Variants in MYO1E observed in about 807,000 individuals in gnomAD.
MYO1E encodes the protein myosin IE, also known as unconventional myosin-Ie.
Under a neutral mutation model 151.1 loss-of-function variants are expected in MYO1E, and 68 were observed. The observed-to-expected ratio is 0.45, with a 90% CI of 0.37 to 0.55. The LOEUF (loss-of-function observed/expected upper bound fraction) is 0.55. MYO1E is among the 20% of genes least tolerant of loss of function. The pLI is 0.00. For missense variants in MYO1E, 1,363 were observed against 1,389.3 expected (o/e 0.98, Z 0.30); for synonymous variants, 601 against 501.7 (o/e 1.20, Z -2.64).
chr15:59,180,971 C>T (rs1555409226), intron 18 of MYO1E, among the ~76,000 whole-genome samples: 1 of 152,164 alleles, frequency 6.6e-6, no homozygotes, highest in Non-Finnish European at 1.5e-5. Flanking sequence ...AATCTGTTCC[C>T]TGCTCTTGTT....
chr15:59,149,324 G>A (rs755236563), intron 26 of MYO1E, among the ~76,000 whole-genome samples: 1 of 152,094 alleles, frequency 6.6e-6, no homozygotes, highest in Non-Finnish European at 1.5e-5. Flanking sequence ...CCAAAGTGCT[G>A]GGATTACAGG....
At chr15:59,269,825 G>A (rs1489202393) in intron 2 of MYO1E, among the ~76,000 whole-genome samples, 1 of 151,916 alleles carries the variant, frequency 6.6e-6, no homozygotes, top group East Asian at 1.9e-4. Context: ...CTGCACTTCA[G>A]CCTGGCGAGA....
At chr15:59,284,373 A>T (rs1346934167) in intron 1 of MYO1E, among the ~76,000 whole-genome samples, 1 of 152,232 alleles carries the variant, frequency 6.6e-6, no homozygotes, top group Non-Finnish European at 1.5e-5. Context: ...CCCTAAACAC[A>T]GTTCTCCTTC....
At chr15:59,317,923 T>C (rs2080599520) in intron 1 of MYO1E, among the ~76,000 whole-genome samples, 1 of 152,166 alleles carries the variant, frequency 6.6e-6, no homozygotes. Flanking sequence ...TCTACAGATG[T>C]GGAAACTGAG....
rs1465572975 is a variant in MYO1E, at chr15:59,208,589, T to G, written c.1530+92A>C. ...AATTCCGTTTGTTGAATCAATAAAA[T>G]ACGGCGAGCCATATGATTTGCTTCA... On this transcript the variant is annotated intron_variant, in intron 14 of 27. Coordinates refer to ENST00000288235, the MANE Select transcript of MYO1E (RefSeq NM_004998.4). The G allele has an allele frequency of 2.0e-6, 3 of 1,469,216 alleles. No homozygotes were observed. The African/African-American group carries it at 4.2e-5, about 20-fold the overall frequency. The allele number at this position is 1,469,216 out of a possible 1,614,324, so 91.0% of individuals were successfully genotyped here. A position where few individuals can be genotyped will look rare whatever the true frequency, so the allele number is the denominator to read the frequency against.
chr15:59,283,799 T>C (rs752965027), intron 1 of MYO1E, among the ~76,000 whole-genome samples: 3 of 152,188 alleles, frequency 2.0e-5, no homozygotes, highest in Admixed American at 6.5e-5. Context: ...CCCTTAAACA[T>C]TGTACCTACT....
chr15:59,265,839 C>T (rs2080250105), intron 2 of MYO1E, among the ~76,000 whole-genome samples: 3 of 148,172 alleles, frequency 2.0e-5, no homozygotes, highest in African/African-American at 7.5e-5. Context: ...TGGTGGTCTT[C>T]ACATGTAGTC....
At chr15:59,343,851 C>T (rs28751096) in intron 1 of MYO1E, among the ~76,000 whole-genome samples, 1,905 of 152,200 alleles carry the variant, frequency 0.013, 40 homozygotes, top group African/African-American at 0.043. Context: ...GAATTTCTGC[C>T]TGATTCTCTT....
chr15:59,227,547 T>G lies in MYO1E; in HGVS notation c.554A>C (p.Asp185Ala). 1 of 1,614,210 alleles carries G rather than the reference T, an allele frequency of 6.2e-7. No homozygotes were observed. Among genetic ancestry groups the G allele is most frequent in the Non-Finnish European group, 8.5e-7 (1 of 1,180,014 alleles). Residue 185 changes from aspartate to alanine, a missense_variant, in exon 7 of 28, where the codon GAT becomes GCT. Transcript: ENST00000288235. The part of the protein sequence containing the change: ...EIQFSPGGEP[D>A]GGKISNFLLE... ...AAGGAAGTTGGAGATCTTTCCACCA[T>G]CTGGTTCCCCACCTGGACTGAACTG...
chr15:59,326,424 G>A (rs903860022), intron 1 of MYO1E, among the ~76,000 whole-genome samples: 4 of 152,176 alleles, frequency 2.6e-5, no homozygotes, highest in African/African-American at 9.7e-5. Flanking sequence ...TCAGGAGGCT[G>A]AGGCACGGGA....
At chr15:59,315,340 C>T (rs1179992530) in intron 1 of MYO1E, among the ~76,000 whole-genome samples, 1 of 152,076 alleles carries the variant, frequency 6.6e-6, no homozygotes, top group Admixed American at 6.6e-5. Flanking sequence ...TCCCCATCCA[C>T]GTAAAACATT....
intron 12 of MYO1E, among the ~76,000 whole-genome samples, chr15:59,210,858 G>A (rs1566980029): frequency 6.6e-6 from 1 of 152,138 alleles, no homozygotes; most frequent in East Asian, 1.9e-4. Context: ...CTACAATTTA[G>A]TAGCACCGAA....
At chr15:59,241,057 C>T (rs774436230) in intron 4 of MYO1E, among the ~76,000 whole-genome samples, 4 of 152,130 alleles carry the variant, frequency 2.6e-5, no homozygotes, top group Admixed American at 6.6e-5. Flanking sequence ...GATTACTAAA[C>T]GAAGTCACAA....
chr15:59,351,654 G>T (rs898626152), intron 1 of MYO1E, among the ~76,000 whole-genome samples: 1 of 152,156 alleles, frequency 6.6e-6, no homozygotes, highest in Non-Finnish European at 1.5e-5. Context: ...CGCTTATAAT[G>T]TTCCCAGTGT....
At chr15:59,203,034 C>A (rs1380487612) in intron 15 of MYO1E, among the ~76,000 whole-genome samples, 1 of 152,200 alleles carries the variant, frequency 6.6e-6, no homozygotes, top group African/African-American at 2.4e-5. Flanking sequence ...GCATGAGGCA[C>A]TGCGCCTGGC....
chr15:59,256,420 A>G, intron 3 of MYO1E, 42 bp from the exon 4 acceptor site: 2 of 1,206,492 alleles, frequency 1.7e-6, no homozygotes, highest in Non-Finnish European at 2.3e-6. Context: ...AATAATAAAA[A>G]TTTAAAAATA....
chr15:59,310,480 T>C (rs1437343942), intron 1 of MYO1E, among the ~76,000 whole-genome samples: 4 of 152,030 alleles, frequency 2.6e-5, no homozygotes, highest in African/African-American at 2.4e-5. Flanking sequence ...GAGAAGGTCA[T>C]GTGATGATGG....
At chr15:59,308,496 A>C (rs1452816539) in intron 1 of MYO1E, among the ~76,000 whole-genome samples, 1 of 151,466 alleles carries the variant, frequency 6.6e-6, no homozygotes, top group Non-Finnish European at 1.5e-5. Context: ...ACATAGCAAA[A>C]CCCCGTCTCT....
chr15:59,215,551 G>A (rs144745908), intron 10 of MYO1E, among the ~76,000 whole-genome samples: 2,227 of 152,272 alleles, frequency 0.015, 34 homozygotes, highest in Non-Finnish European at 0.022. Flanking sequence ...AGAGCGGTTG[G>A]TGGGGGATGC....
Sources: gnomAD v4.1 joint callset for allele counts (sites outside exome capture counted in the v4.1 genomes callset) on GRCh38, gnomAD v4.1.1 for gene constraint, MANE v1.5 for transcripts, NCBI Gene and HGNC (gene_info 2026-07-23, HGNC 2026-07-21) for gene names.